SHISA9: variants seen among roughly 807,000 people sequenced by gnomAD.
SHISA9 encodes shisa family member 9, also known as protein shisa-9.
In SHISA9, 13 loss-of-function variants were observed where a neutral mutation model predicts 38.0. The ratio of observed to expected loss-of-function variants is 0.34; its 90% CI spans 0.22 to 0.54. SHISA9 has a LOEUF of 0.54. Among genes scored for constraint, SHISA9 ranks in the 20% least tolerant of loss-of-function variants. SHISA9 has a pLI of 0.91. For missense variants in SHISA9, 538 were observed against 575.8 expected, an observed-to-expected ratio of 0.93 and a Z score of 0.67; for synonymous variants, 275 against 242.0, an observed-to-expected ratio of 1.14 and a Z score of -1.27.
At chr16:13,478,838 G>T in the SHISA9 span, among the ~76,000 whole-genome samples, 1 of 152,144 alleles carries the variant, frequency 6.6e-6, no homozygotes, top group Admixed American at 6.5e-5. Context: ...TGGGAGTGGT[G>T]CTTGGGGACC....
chr16:13,400,713 AGTCT>A, the SHISA9 span, among the ~76,000 whole-genome samples: 2 of 152,188 alleles, frequency 1.3e-5, no homozygotes, highest in Non-Finnish European at 2.9e-5. Flanking sequence ...TGAACAAATC[AGTCT>A]GTCTGCTTCT....
intron 2 of SHISA9, among the ~76,000 whole-genome samples, chr16:13,089,080 T>A (rs1483505967): frequency 2.0e-5 from 3 of 152,250 alleles, no homozygotes; most frequent in East Asian, 1.9e-4. Context: ...GTGGTTTTTG[T>A]CTTTGGTTCT....
chr16:13,354,399 T>C, the SHISA9 span, among the ~76,000 whole-genome samples: 2 of 147,982 alleles, frequency 1.4e-5, no homozygotes, highest in Non-Finnish European at 3.0e-5. Flanking sequence ...GTCAGGTGGA[T>C]CAGAGAGATA....
At chr16:13,307,789 G>T in the SHISA9 span, among the ~76,000 whole-genome samples, 1 of 152,102 alleles carries the variant, frequency 6.6e-6, no homozygotes, top group Non-Finnish European at 1.5e-5. Flanking sequence ...CCTTTATGAA[G>T]GTAACTTTTA....
chr16:13,348,885 C>A, the SHISA9 span, among the ~76,000 whole-genome samples: 11 of 152,050 alleles, frequency 7.2e-5, no homozygotes, highest in Non-Finnish European at 1.0e-4. Flanking sequence ...GCCTCACCAG[C>A]TTGTTTTCTC....
chr16:12,963,294 G>GA (rs2071934947), intron 2 of SHISA9, among the ~76,000 whole-genome samples: 2 of 152,340 alleles, frequency 1.3e-5, no homozygotes, highest in South Asian at 4.1e-4. Context: ...GGTGGAAGGA[G>GA]ATGTAAACAA....
At chr16:13,023,362 T>C (rs375177240) in intron 2 of SHISA9, among the ~76,000 whole-genome samples, 2 of 152,212 alleles carry the variant, frequency 1.3e-5, no homozygotes, top group Admixed American at 1.3e-4. Flanking sequence ...TCCTTTTTTA[T>C]GGCTGCACAG....
the SHISA9 span, among the ~76,000 whole-genome samples, chr16:13,325,226 T>C: frequency 6.6e-6 from 1 of 152,170 alleles, no homozygotes; most frequent in African/African-American, 2.4e-5. Context: ...CAAATAAATA[T>C]ATTTTGAGGT....
chr16:13,362,003 A>T, the SHISA9 span, among the ~76,000 whole-genome samples: 3 of 151,972 alleles, frequency 2.0e-5, no homozygotes, highest in Non-Finnish European at 2.9e-5. Context: ...CACACTAGTT[A>T]TGTGACCTTG....
chr16:13,136,015 C>G (rs986083203), intron 2 of SHISA9, among the ~76,000 whole-genome samples: 5 of 152,178 alleles, frequency 3.3e-5, no homozygotes, highest in Admixed American at 2.6e-4. Flanking sequence ...AACACACTAG[C>G]TTTTAGCTGC....
At position 13,201,283 on chromosome 16, in the gene SHISA9, TA is replaced by T. The variant is rs35612911; in HGVS notation, c.692-2104del. Among the ~76,000 whole-genome samples the T allele has an allele frequency of 2.1e-3, 282 of 135,488 alleles. 62 individuals carry two copies. The highest frequency in any genetic ancestry group is 7.7e-3 in the African/African-American group (266 of 34,614). 88.9% of individuals were successfully genotyped at this position (135,488 alleles called of 152,430 possible). The stretch of plus-strand genomic sequence containing the variant: ...TATCAACAGATGCTGAAGTCCCTTA[TA>T]AAAAAATGGCATAGTATTTGCATAT... On this transcript the variant is annotated intron_variant, in intron 2 of 4. Transcript: ENST00000558583.
At chr16:12,963,854 G>A (rs1007385068) in intron 2 of SHISA9, among the ~76,000 whole-genome samples, 4 of 152,202 alleles carry the variant, frequency 2.6e-5, no homozygotes, top group African/African-American at 9.6e-5. Context: ...TCAGGCAGAA[G>A]GCATTAAAGC....
chr16:13,038,269 C>G (rs571786871), intron 2 of SHISA9, among the ~76,000 whole-genome samples: 3 of 152,238 alleles, frequency 2.0e-5, no homozygotes, highest in African/African-American at 7.2e-5. Flanking sequence ...GGATTACAGG[C>G]GTGGGCCACC....
chr16:13,215,238 G>A (rs143645606), intron 4 of SHISA9, among the ~76,000 whole-genome samples: 101 of 152,294 alleles, frequency 6.6e-4, no homozygotes, highest in African/African-American at 2.4e-3. Context: ...TACAAACCCA[G>A]ATTCCTGGGC....
chr16:13,376,156 C>G, the SHISA9 span, among the ~76,000 whole-genome samples: 3 of 152,178 alleles, frequency 2.0e-5, no homozygotes, highest in Non-Finnish European at 2.9e-5. Flanking sequence ...CATAATTGTT[C>G]CACATCATTT....
the SHISA9 span, among the ~76,000 whole-genome samples, chr16:13,303,463 G>A: frequency 6.6e-6 from 1 of 152,096 alleles, no homozygotes; most frequent in Non-Finnish European, 1.5e-5. Flanking sequence ...AACACTATAC[G>A]AAAATATTAA....
chr16:13,435,842 G>A, the SHISA9 span, among the ~76,000 whole-genome samples: 2 of 152,214 alleles, frequency 1.3e-5, no homozygotes, highest in Admixed American at 1.3e-4. Context: ...TCTAAAGTGT[G>A]AGGAAATGTG....
chr16:13,107,498 C>G (rs1393776101), intron 2 of SHISA9, among the ~76,000 whole-genome samples: 1 of 144,348 alleles, frequency 6.9e-6, no homozygotes, highest in Non-Finnish European at 1.5e-5. Context: ...CACACACACA[C>G]ACACACACAC....
the SHISA9 span, among the ~76,000 whole-genome samples, chr16:13,261,974 A>G: frequency 2.0e-5 from 3 of 152,238 alleles, no homozygotes; most frequent in East Asian, 1.9e-4. Context: ...CAGGTGTGTC[A>G]CTGTGCAGCC....
Sources: allele counts gnomAD v4.1 joint callset (sites outside exome capture counted in the v4.1 genomes callset), GRCh38; gene constraint gnomAD v4.1.1; transcripts MANE v1.5; gene names NCBI Gene and HGNC (gene_info 2026-07-23, HGNC 2026-07-21).